The following CHID1 variants were observed in gnomAD, a reference collection of about 807,000 sequenced individuals.
CHID1 encodes chitinase domain containing 1.
A neutral mutation model predicts 55.4 loss-of-function variants in CHID1; 44 were observed. That is an observed-to-expected ratio of 0.79 (90% CI 0.62 to 1.02). The LOEUF (loss-of-function observed/expected upper bound fraction) is 1.02. Ranked by LOEUF, CHID1 falls within the 50% of genes least tolerant of loss-of-function variation. CHID1 has a pLI of 0.00. For missense variants in CHID1, 491 were observed against 515.3 expected (o/e 0.95, Z 0.46); for synonymous variants, 216 against 212.9 (o/e 1.01, Z -0.13).
chr11:909,938 T>C (rs528262580), intron 1 of CHID1, among the ~76,000 whole-genome samples: 1 of 152,160 alleles, frequency 6.6e-6, no homozygotes, highest in East Asian at 1.9e-4. Context: ...TGTGCGCCTG[T>C]ACTCCCAGCA....
In CHID1 at chr11:869,547, C is replaced by G. The variant is rs1849028693; in HGVS notation, c.*311G>C. On this transcript the variant is annotated 3_prime_UTR_variant, in exon 13 of 13. Coordinates refer to ENST00000323578, the MANE Select transcript of CHID1 (RefSeq NM_023947.4). ...TCCAGCCCAGGATGTGAGAAGCAGC[C>G]CAGAAAGGCCTGAGCCAGGCTGTCC... is the stretch of plus-strand genomic sequence containing the variant. 1 of 479,812 alleles carries G rather than the reference C, an allele frequency of 2.1e-6. No individual in the cohort carries two copies. The allele number at this position is 479,812 out of a possible 1,614,324, so 29.7% of individuals were successfully genotyped here.
At chr11:914,469 A>T (rs1057378348), upstream of CHID1, 1 of 1,219,552 alleles carries the variant, frequency 8.2e-7, no homozygotes, top group Non-Finnish European at 1.1e-6. Context: ...GCCTGCAGAG[A>T]TGAGTGTTTC....
intron 2 of CHID1, 97 bp from the exon 3 acceptor site, chr11:903,208 C>T (rs974289026): frequency 2.3e-5 from 29 of 1,283,210 alleles, no homozygotes; most frequent in African/African-American, 2.0e-4. Context: ...AGCCAGCAGC[C>T]GAGTCTCTGG....
intron 1 of CHID1, among the ~76,000 whole-genome samples, chr11:907,354 G>A (rs753016577): frequency 3.9e-5 from 6 of 152,100 alleles, no homozygotes; most frequent in East Asian, 1.9e-4. Flanking sequence ...GGTGGCAGGC[G>A]CCTGTAGTCC....
intron 7 of CHID1, among the ~76,000 whole-genome samples, chr11:898,363 G>A (rs1287045951): frequency 6.6e-6 from 1 of 152,186 alleles, no homozygotes; most frequent in African/African-American, 2.4e-5. Context: ...TGGGGGCGGG[G>A]GAGCCGATTC....
intron 10 of CHID1, among the ~76,000 whole-genome samples, chr11:878,847 C>T (rs528787656): frequency 5.8e-4 from 88 of 151,442 alleles, no homozygotes; most frequent in African/African-American, 2.0e-3. Flanking sequence ...CCACCACACC[C>T]GGCTAATTTT....
intron 11 of CHID1, 91 bp downstream of exon 11, chr11:870,327 AC>A: frequency 1.5e-6 from 2 of 1,344,806 alleles, no homozygotes; most frequent in Non-Finnish European, 1.0e-6. Flanking sequence ...TGACCCTGAG[AC>A]CCCCTGGGCC....
At chr11:904,981 C>A (rs1331916053) in intron 1 of CHID1, 122 bp from the exon 2 acceptor site, 85 of 1,091,376 alleles carry the variant, frequency 7.8e-5, no homozygotes, top group Non-Finnish European at 1.0e-4. Context: ...CTGGATGGAC[C>A]CTTGGCCACT....
chr11:913,590 T>C (rs1033377467), upstream of CHID1, among the ~76,000 whole-genome samples: 8 of 151,666 alleles, frequency 5.3e-5, no homozygotes, highest in African/African-American at 1.9e-4. Context: ...CTGAGCAACA[T>C]GGTGAAACCC....
At position 869,750 on chromosome 11, in the gene CHID1, G is replaced by T; in HGVS notation, c.*108C>A. On this transcript the variant is annotated 3_prime_UTR_variant, in exon 13 of 13. Coordinates refer to ENST00000323578, the MANE Select transcript of CHID1 (RefSeq NM_023947.4). Reference sequence around the variant, plus strand: ...TGCCCAGGACCCCCGACTGAGGACTGCAGCAGACCCGTCACAGCAAACGGA... The same window carrying T: ...TGCCCAGGACCCCCGACTGAGGACTTCAGCAGACCCGTCACAGCAAACGGA... The T allele has an allele frequency of 1.0e-6, 1 of 983,496 alleles. No individual in the cohort carries two copies. The allele number at this position is 983,496 out of a possible 1,614,324, so 60.9% of individuals were successfully genotyped here. A position where few individuals can be genotyped will look rare whatever the true frequency, so the allele number is the denominator to read the frequency against.
rs377134785 is a variant in CHID1 at position 882,168 on chromosome 11, T to C, written c.959+980A>G. 2.2e-4 allele frequency among the ~76,000 whole-genome samples: 34 copies of C among 152,126 alleles called. 1 individual carries two copies. The East Asian group carries it at 3.1e-3, about 14-fold the overall frequency. ...GGTGAAATCCCATCTCTACTAAAGA[T>C]ACAAAAATTAGCAGGGCGCGGTGGC... On this transcript the variant is annotated intron_variant, in intron 10 of 12. Coordinates refer to ENST00000323578, the MANE Select transcript of CHID1 (RefSeq NM_023947.4).
At position 903,556 on chromosome 11, in the gene CHID1, G is replaced by A. The variant is rs1851982514; in HGVS notation, c.112-445C>T. The A allele has an allele frequency of 1.9e-5, 4 of 214,908 alleles. No homozygotes were observed. In the South Asian group the frequency reaches 2.5e-4, roughly 13 times the overall value. The allele number at this position is 214,908 out of a possible 1,614,324, so 13.3% of individuals were successfully genotyped here. A position where few individuals can be genotyped will look rare whatever the true frequency, so the allele number is the denominator to read the frequency against. On this transcript the variant is annotated intron_variant, in intron 2 of 12. Transcript: ENST00000323578. ...AGAACTTTGGGAGGCCGAGGCAGGT[G>A]GATCACCTGAGATCAGGAGTTGGAG... is the stretch of plus-strand genomic sequence containing the variant.
chr11:909,334 C>T (rs749324220), intron 1 of CHID1, among the ~76,000 whole-genome samples: 7 of 152,254 alleles, frequency 4.6e-5, no homozygotes, highest in Non-Finnish European at 7.3e-5. Flanking sequence ...AGAACGGCCC[C>T]GCACACAAAG....
intron 8 of CHID1, among the ~76,000 whole-genome samples, chr11:891,480 C>T (rs941740805): frequency 6.6e-6 from 1 of 152,214 alleles, no homozygotes; most frequent in Non-Finnish European, 1.5e-5. Context: ...GGGCCAGAAG[C>T]TCAGGCAGAG....
At chr11:898,383 C>A (rs930202176) in intron 7 of CHID1, among the ~76,000 whole-genome samples, 3 of 152,208 alleles carry the variant, frequency 2.0e-5, no homozygotes, top group Non-Finnish European at 4.4e-5. Context: ...CCAGAACCCA[C>A]GGCTCACACA....
chr11:887,877 G>A (rs1850512946), intron 8 of CHID1, among the ~76,000 whole-genome samples: 1 of 152,224 alleles, frequency 6.6e-6, no homozygotes, highest in Admixed American at 6.5e-5. Flanking sequence ...TGGCAGAGCT[G>A]GCTTCACTCC....
intron 10 of CHID1, among the ~76,000 whole-genome samples, chr11:872,304 C>A (rs924171469): frequency 1.3e-5 from 2 of 152,208 alleles, no homozygotes; most frequent in African/African-American, 4.8e-5. Flanking sequence ...ATCACAGCCA[C>A]CCGCCACCAC....
At chr11:874,190 G>A (rs546847260) in intron 10 of CHID1, among the ~76,000 whole-genome samples, 6 of 152,188 alleles carry the variant, frequency 3.9e-5, no homozygotes, top group African/African-American at 1.2e-4. Flanking sequence ...GGCCGGGCGT[G>A]GTGGCTCACG....
chr11:891,705 GC>G (rs1850837746), intron 8 of CHID1, among the ~76,000 whole-genome samples: 1 of 152,148 alleles, frequency 6.6e-6, no homozygotes, highest in African/African-American at 2.4e-5. Flanking sequence ...TCTTCACCCA[GC>G]CCCAGGCCTG....
Sources: allele counts gnomAD v4.1 joint callset (sites outside exome capture counted in the v4.1 genomes callset), GRCh38; gene constraint gnomAD v4.1.1; transcripts MANE v1.5; gene names NCBI Gene and HGNC (gene_info 2026-07-23, HGNC 2026-07-21).